The following CWH43 variants were observed in gnomAD, a reference collection of about 807,000 sequenced individuals.
The protein encoded by CWH43 is cell wall biogenesis 43 C-terminal homolog, also known as PGAP2-interacting protein.
CWH43 carries 91 observed loss-of-function variants against 85.7 expected under a neutral mutation model. That is an observed-to-expected ratio of 1.06 (90% CI 0.90 to 1.26). CWH43 has a LOEUF of 1.26. Ranked by LOEUF, CWH43 falls within the 50% of genes most tolerant of loss-of-function variation. CWH43 has a pLI of 0.00. For missense variants in CWH43, 869 were observed against 839.2 expected (o/e 1.04, Z -0.44); for synonymous variants, 323 against 293.6 (o/e 1.10, Z -1.02).
At chr4:49,046,832 A>G (rs769119944) in intron 14 of CWH43, among the ~76,000 whole-genome samples, 1 of 152,186 alleles carries the variant, frequency 6.6e-6, no homozygotes, top group Non-Finnish European at 1.5e-5. Context: ...AGGTTCCTCT[A>G]CATACAAAGT....
At chr4:49,053,947 C>A (rs562361203) in intron 15 of CWH43, among the ~76,000 whole-genome samples, 15 of 152,244 alleles carry the variant, frequency 9.9e-5, no homozygotes, top group Middle Eastern at 3.4e-3. Flanking sequence ...TAAATATATT[C>A]TCTCATCCCA....
At chr4:49,046,370 T>A (rs776273361) in intron 14 of CWH43, among the ~76,000 whole-genome samples, 29 of 152,078 alleles carry the variant, frequency 1.9e-4, no homozygotes, top group Non-Finnish European at 3.5e-4. Flanking sequence ...AAATCCTCTT[T>A]ATGTACTGGG....
At chr4:49,057,639 T>C (rs1785009549) in intron 15 of CWH43, among the ~76,000 whole-genome samples, 1 of 152,232 alleles carries the variant, frequency 6.6e-6, no homozygotes, top group African/African-American at 2.4e-5. Context: ...ATTTGGTCTA[T>C]AGTGTTGTTC....
At chr4:49,013,549 T>C (rs1156453910) in intron 8 of CWH43, among the ~76,000 whole-genome samples, 2 of 152,238 alleles carry the variant, frequency 1.3e-5, no homozygotes, top group Admixed American at 1.3e-4. Context: ...CAGTTGGAAA[T>C]GCAGAAATCG....
intron 8 of CWH43, among the ~76,000 whole-genome samples, chr4:49,008,027 G>C (rs911273533): frequency 2.0e-5 from 3 of 152,280 alleles, no homozygotes; most frequent in Non-Finnish European, 2.9e-5. Context: ...TCTAGTTCTA[G>C]ATCCTTGAGG....
intron 14 of CWH43, among the ~76,000 whole-genome samples, chr4:49,045,463 T>C (rs1214627048): frequency 6.6e-6 from 1 of 152,226 alleles, no homozygotes; most frequent in Non-Finnish European, 1.5e-5. Context: ...ACATCTACAA[T>C]GGTAGTTGAT....
At chr4:48,993,301 G>T (rs1782714122) in intron 4 of CWH43, among the ~76,000 whole-genome samples, 1 of 152,166 alleles carries the variant, frequency 6.6e-6, no homozygotes, top group Non-Finnish European at 1.5e-5. Flanking sequence ...AGCAAATTCA[G>T]TTTAGATGGC....
Position 49,024,493 on chromosome 4 carries a change from T to C in CWH43, c.1267-4136T>C, listed in dbSNP as rs567827226. ...ATTCTATTTTGGTGTATTTCAAGTA[T>C]TTGTTTCAAGATTTAGAGCTCCTTT... On this transcript the variant is annotated intron_variant, in intron 9 of 15. Coordinates refer to ENST00000226432, the MANE Select transcript of CWH43 (RefSeq NM_025087.3). Among the ~76,000 whole-genome samples, 12 of 152,340 alleles carry C rather than the reference T, an allele frequency of 7.9e-5. No individual in the cohort carries two copies. The South Asian group carries it at 2.5e-3, about 32-fold the overall frequency.
chr4:48,999,685 A>G (rs991882239), intron 6 of CWH43, among the ~76,000 whole-genome samples: 1 of 152,232 alleles, frequency 6.6e-6, no homozygotes, highest in Non-Finnish European at 1.5e-5. Context: ...GCCAGTTGCC[A>G]GACCTCTTTC....
At chr4:49,018,909 A>C (rs1171295702) in intron 9 of CWH43, among the ~76,000 whole-genome samples, 1 of 152,230 alleles carries the variant, frequency 6.6e-6, no homozygotes, top group East Asian at 1.9e-4. Context: ...ATAATAGTAG[A>C]CCATCATTAC....
At chr4:49,060,449 G>C (rs1342389543) in intron 15 of CWH43, among the ~76,000 whole-genome samples, 1 of 152,040 alleles carries the variant, frequency 6.6e-6, no homozygotes, top group African/African-American at 2.4e-5. Flanking sequence ...GGGCTGGCCT[G>C]GTGTTTAGGT....
intron 8 of CWH43, chr4:49,016,871 G>A: frequency 1.3e-6 from 1 of 784,350 alleles, no homozygotes. Flanking sequence ...TTCTCTCCGA[G>A]TGCCCCAGGA....
intron 15 of CWH43, among the ~76,000 whole-genome samples, chr4:49,055,145 T>C (rs1003973205): frequency 1.3e-5 from 2 of 152,186 alleles, no homozygotes; most frequent in Non-Finnish European, 1.5e-5. Flanking sequence ...CTGTGGGTTG[T>C]CATATATGGC....
intron 5 of CWH43, among the ~76,000 whole-genome samples, chr4:48,997,456 A>G (rs1408736394): frequency 6.6e-6 from 1 of 152,192 alleles, no homozygotes; most frequent in East Asian, 1.9e-4. Flanking sequence ...GATGCATCCC[A>G]AACACCTAGA....
chr4:49,034,374 T>C (rs746380044), intron 12 of CWH43, among the ~76,000 whole-genome samples: 1 of 152,258 alleles, frequency 6.6e-6, no homozygotes, highest in South Asian at 2.1e-4. Context: ...TTTGCCTTTT[T>C]CCCCGTCTCC....
At chr4:49,032,796 C>A (rs1406464121) in intron 12 of CWH43, 81 bp downstream of exon 12, 2 of 1,488,350 alleles carry the variant, frequency 1.3e-6, no homozygotes, top group Middle Eastern at 1.7e-4. Context: ...TATGAAATCA[C>A]CTTTCTCATT....
rs1782887999 is a variant in CWH43 at position 48,998,513 on chromosome 4, G to A, written c.767G>A (p.Trp256Ter). 6.2e-7 allele frequency: 1 copy of A among 1,613,814 alleles called. No individual in the cohort carries two copies. The highest frequency in any genetic ancestry group is 1.1e-5 in the South Asian group (1 of 91,074). Residue 256 changes from tryptophan (W) to a stop codon, truncating the protein, a stop_gained, in exon 6 of 16, where the codon TGG becomes TAG. Coordinates refer to ENST00000226432, the MANE Select transcript of CWH43 (RefSeq NM_025087.3). LOFTEE classifies it high-confidence loss of function. ...GGATTGATGCTTCCATCTTGTTTGT[G>A]GTTTCGTGGTACTGGTTTGATCTGG... ...ASGLMLPSCLWFRGTGLIWWV... is the reference protein window; with the variant it reads ...ASGLMLPSCL
At chr4:49,045,359 A>T (rs1187298287) in intron 14 of CWH43, among the ~76,000 whole-genome samples, 1 of 152,228 alleles carries the variant, frequency 6.6e-6, no homozygotes, top group Non-Finnish European at 1.5e-5. Flanking sequence ...TATCACATAC[A>T]TGCGTATGTG....
chr4:49,015,288 TC>T (rs1783511359), intron 8 of CWH43, among the ~76,000 whole-genome samples: 3 of 151,936 alleles, frequency 2.0e-5, no homozygotes, highest in South Asian at 2.1e-4. Flanking sequence ...ATGCCCCTCC[TC>T]CCCACTCCTC....
Sources: allele counts gnomAD v4.1 joint callset (sites outside exome capture counted in the v4.1 genomes callset), GRCh38; gene constraint gnomAD v4.1.1; transcripts MANE v1.5; gene names NCBI Gene and HGNC (gene_info 2026-07-23, HGNC 2026-07-21).